Variants in DIAPH3 observed in about 807,000 individuals in gnomAD.
The protein encoded by DIAPH3 is protein diaphanous homolog 3.
Under a neutral mutation model 144.3 loss-of-function variants are expected in DIAPH3, and 117 were observed. That is an observed-to-expected ratio of 0.81 (90% CI 0.70 to 0.95). The LOEUF is 0.95. Among genes scored for constraint, DIAPH3 ranks in the 40% least tolerant of loss-of-function variants. The probability of loss-of-function intolerance (pLI) is 0.00; values close to 1 mark genes in which losing one functional copy is unlikely to be tolerated. For missense variants in DIAPH3, 1,421 were observed against 1,412.7 expected, an observed-to-expected ratio of 1.01 and a Z score of -0.09; for synonymous variants, 519 against 488.9, an observed-to-expected ratio of 1.06 and a Z score of -0.81.
chr13:59,787,954 G>C (rs2039123602), intron 25 of DIAPH3, among the ~76,000 whole-genome samples: 1 of 152,194 alleles, frequency 6.6e-6, no homozygotes, highest in Non-Finnish European at 1.5e-5. Context: ...GGCCCTCAGT[G>C]AACACTGAAT....
intron 17 of DIAPH3, among the ~76,000 whole-genome samples, chr13:59,942,760 T>C (rs942496526): frequency 5.3e-5 from 8 of 152,276 alleles, no homozygotes; most frequent in African/African-American, 1.9e-4. Flanking sequence ...GAAGGGTTTT[T>C]TTCCTTAATT....
intron 20 of DIAPH3, among the ~76,000 whole-genome samples, chr13:59,907,305 A>G (rs184141992): frequency 9.2e-5 from 14 of 152,242 alleles, no homozygotes; most frequent in African/African-American, 3.4e-4. Context: ...ACCAACAAAA[A>G]CAGCATGTAA....
intron 4 of DIAPH3, among the ~76,000 whole-genome samples, chr13:60,088,225 TCTA>T (rs2057814455): frequency 1.0e-5 from 1 of 100,202 alleles, no homozygotes; most frequent in Non-Finnish European, 2.2e-5. Context: ...AATGTTCATC[TCTA>T]CTAAGTATTC....
At chr13:59,954,995 G>C (rs1445690695) in intron 17 of DIAPH3, among the ~76,000 whole-genome samples, 1 of 151,134 alleles carries the variant, frequency 6.6e-6, no homozygotes, top group Non-Finnish European at 1.5e-5. Flanking sequence ...ACCATATCAA[G>C]GTAATAACAA....
intron 27 of DIAPH3, among the ~76,000 whole-genome samples, chr13:59,678,882 A>G (rs192597713): frequency 1.3e-5 from 2 of 152,358 alleles, no homozygotes; most frequent in Admixed American, 1.3e-4. Flanking sequence ...TTAAATACAG[A>G]TAAATGTTTA....
intron 1 of DIAPH3, among the ~76,000 whole-genome samples, chr13:60,137,540 A>G (rs1271860602): frequency 6.6e-6 from 1 of 151,686 alleles, no homozygotes; most frequent in Non-Finnish European, 1.5e-5. Context: ...CGCAAATTTT[A>G]TGTTTTCTTT....
chr13:59,880,978 CAAAAA>C (rs77481523), intron 20 of DIAPH3, among the ~76,000 whole-genome samples: 2 of 64,816 alleles, frequency 3.1e-5, no homozygotes. Context: ...CAACAAGGAC[CAAAAA>C]AAAAAAAAAA....
rs570709073 is a variant in DIAPH3, at chr13:59,994,599, G to A, written c.1015-2016C>T. 3.3e-5 allele frequency among the ~76,000 whole-genome samples: 5 copies of A among 152,006 alleles called. No individual in the cohort carries two copies. In the South Asian group the frequency reaches 1.0e-3, roughly 31 times the overall value. The stretch of plus-strand genomic sequence containing the variant: ...ATGTTTGGTAAATAATGGGAATATG[G>A]AGATGCTAAATGAGAACTAAGACAG... On this transcript the variant is annotated intron_variant, in intron 9 of 27. Transcript: ENST00000400324.
intron 7 of DIAPH3, among the ~76,000 whole-genome samples, chr13:60,010,895 C>A (rs559523476): frequency 4.6e-5 from 7 of 152,008 alleles, no homozygotes; most frequent in Admixed American, 3.9e-4. Flanking sequence ...TACCTGAGGT[C>A]GGGAGTTTGA....
rs199537865 is a variant in DIAPH3 at position 59,879,355 on chromosome 13, G to A, written c.2481C>T (p.Cys827=). 1.9e-5 allele frequency: 31 copies of A among 1,613,734 alleles called. No homozygotes were observed. Among genetic ancestry groups the A allele is most frequent in the Non-Finnish European group, 2.4e-5 (28 of 1,179,828 alleles). ...AGCTTTTGCTCTTCTTTATCTCTTC[G>A]CAGGCAGTACTGACAGCCATGATGT... ...KPDIMAVSTA[C]EEIKKSKSFS... The change falls in exon 21 of 28, where the codon TGC becomes TGT. Residue 827 remains cysteine, a synonymous_variant. Transcript: ENST00000400324.
At chr13:59,911,668 T>C (rs549900285) in intron 20 of DIAPH3, 67 bp downstream of exon 20, 3 of 1,182,796 alleles carry the variant, frequency 2.5e-6, no homozygotes, top group East Asian at 2.3e-5. Context: ...TTTAGCGATA[T>C]AAAAACAGTT....
chr13:59,781,286 G>A (rs535730840), intron 25 of DIAPH3, among the ~76,000 whole-genome samples: 21 of 152,270 alleles, frequency 1.4e-4, no homozygotes, highest in South Asian at 8.3e-4. Context: ...ATTCTGAAGC[G>A]AAATTATTTC....
chr13:59,681,305 T>C (rs1021519939), intron 27 of DIAPH3, among the ~76,000 whole-genome samples: 6 of 152,112 alleles, frequency 3.9e-5, no homozygotes, highest in Non-Finnish European at 7.4e-5. Flanking sequence ...ACTCCGTCTC[T>C]ACAAAAAATT....
chr13:59,902,256 T>A (rs982357907), intron 20 of DIAPH3, among the ~76,000 whole-genome samples: 1 of 152,104 alleles, frequency 6.6e-6, no homozygotes, highest in Non-Finnish European at 1.5e-5. Context: ...TGGGGGTGGA[T>A]TTCCCCCTTT....
chr13:59,669,506 C>T (rs1453801836), intron 27 of DIAPH3, among the ~76,000 whole-genome samples: 1 of 152,210 alleles, frequency 6.6e-6, no homozygotes, highest in Non-Finnish European at 1.5e-5. Context: ...TACATCCGCC[C>T]CTCCTGTTAG....
chr13:60,058,958 T>C (rs946159910), intron 4 of DIAPH3, among the ~76,000 whole-genome samples: 2 of 151,864 alleles, frequency 1.3e-5, no homozygotes, highest in Non-Finnish European at 2.9e-5. Context: ...AATCCCAGAC[T>C]TCACCACTAT....
chr13:60,082,176 G>C (rs1351000997), intron 4 of DIAPH3, among the ~76,000 whole-genome samples: 1 of 151,508 alleles, frequency 6.6e-6, no homozygotes, highest in Non-Finnish European at 1.5e-5. Flanking sequence ...AATCATTTCA[G>C]AAATAAAAAC....
intron 9 of DIAPH3, among the ~76,000 whole-genome samples, chr13:60,004,010 T>G (rs1333976643): frequency 6.6e-6 from 1 of 152,196 alleles, no homozygotes; most frequent in Non-Finnish European, 1.5e-5. Flanking sequence ...TTATCATTAT[T>G]AGGATCAGAA....
chr13:59,888,140 G>A (rs1030545718), intron 20 of DIAPH3, among the ~76,000 whole-genome samples: 1 of 152,044 alleles, frequency 6.6e-6, no homozygotes, highest in African/African-American at 2.4e-5. Context: ...TTACTCACCA[G>A]TGTGATAGGA....
Sources: allele counts gnomAD v4.1 joint callset (sites outside exome capture counted in the v4.1 genomes callset), GRCh38; gene constraint gnomAD v4.1.1; transcripts MANE v1.5; gene names NCBI Gene and HGNC (gene_info 2026-07-23, HGNC 2026-07-21).